FNTB: variants seen among roughly 807,000 people sequenced by gnomAD.
FNTB encodes protein farnesyltransferase subunit beta.
In FNTB, 27 loss-of-function variants were observed where a neutral mutation model predicts 59.4. That is an observed-to-expected ratio of 0.45 (90% CI 0.34 to 0.63). The LOEUF is 0.63. Among genes scored for constraint, FNTB ranks in the 20% least tolerant of loss-of-function variants. The pLI, the probability that FNTB is intolerant of heterozygous loss-of-function variation, is 0.02. For missense variants in FNTB, 449 were observed against 559.6 expected, an observed-to-expected ratio of 0.80 and a Z score of 1.99; for synonymous variants, 230 against 220.7, an observed-to-expected ratio of 1.04 and a Z score of -0.37.
chr14:65,055,216 G>A (rs1246211909), intron 11 of FNTB, among the ~76,000 whole-genome samples: 6 of 152,150 alleles, frequency 3.9e-5, no homozygotes, highest in Non-Finnish European at 1.5e-5. Flanking sequence ...CTGCTTTCCT[G>A]AAAAAACAAT....
chr14:65,036,186 A>G (rs2062188030), intron 7 of FNTB, among the ~76,000 whole-genome samples: 1 of 152,136 alleles, frequency 6.6e-6, no homozygotes, highest in South Asian at 2.1e-4. Flanking sequence ...GCTCTGTGTC[A>G]TAGTTTCCTT....
chr14:65,043,425 A>C (rs900847600), intron 8 of FNTB, among the ~76,000 whole-genome samples: 9 of 152,202 alleles, frequency 5.9e-5, no homozygotes, highest in African/African-American at 1.9e-4. Context: ...AATTAGAATG[A>C]ATGGCTTCTG....
chr14:65,004,386 T>C, intron 2 of FNTB, 73 bp downstream of exon 2: 4 of 1,497,178 alleles, frequency 2.7e-6, no homozygotes, highest in Non-Finnish European at 3.7e-6. Context: ...CTTTCCTCCT[T>C]GAGCGAATCT....
chr14:65,049,728 T>A (rs2062564855), intron 9 of FNTB, among the ~76,000 whole-genome samples: 1 of 152,186 alleles, frequency 6.6e-6, no homozygotes, highest in Admixed American at 6.5e-5. Context: ...ATGAAATATA[T>A]GTACATTTTG....
In FNTB at chr14:64,993,442, C is replaced by T. The variant is rs148190994; in HGVS notation, c.144+6345C>T. On this transcript the variant is annotated intron_variant, in intron 1 of 11. Coordinates refer to ENST00000246166, the MANE Select transcript of FNTB (RefSeq NM_002028.4). ...CTGAGGTTGTTTTAGGGTATTGTGTCATCCCCAGCTGGTACTTTGTATTCA... is the reference window on the plus strand; with the variant it reads ...CTGAGGTTGTTTTAGGGTATTGTGTTATCCCCAGCTGGTACTTTGTATTCA... Among the ~76,000 whole-genome samples the T allele has an allele frequency of 2.4e-3, 359 of 152,304 alleles. 2 individuals carry two copies. The highest frequency in any genetic ancestry group is 8.1e-3 in the African/African-American group (336 of 41,554).
In FNTB at chr14:65,009,247, T is replaced by G. The variant is rs1684066188; in HGVS notation, c.210-3070T>G. ...ACAGAGATTTATTTTTTCACATTTC[T>G]GGAGGCCAGAAGTCTAAGACCAAGG... On this transcript the variant is annotated intron_variant, in intron 2 of 11. Coordinates refer to ENST00000246166, the MANE Select transcript of FNTB (RefSeq NM_002028.4). The surrounding 1 kb of genome is among the most constrained non-coding windows in gnomAD (Gnocchi z 4.2). Among the ~76,000 whole-genome samples, 1 of 152,214 alleles carries G rather than the reference T, an allele frequency of 6.6e-6. No homozygotes were observed. Among genetic ancestry groups the G allele is most frequent in the East Asian group, 1.9e-4 (1 of 5,194 alleles).
chr14:65,053,127 A>G, intron 9 of FNTB, 111 bp from the exon 10 acceptor site: 1 of 755,836 alleles, frequency 1.3e-6, no homozygotes, highest in Non-Finnish European at 1.8e-6. Flanking sequence ...TGAATGGAAG[A>G]GGAAGGGGAG....
In FNTB at chr14:65,011,636, G is replaced by C. The variant is rs1197593781; in HGVS notation, c.210-681G>C. ...CCTAGTCACACAGGCTCTTCTGCCA[G>C]ACCAAGAAAGAAGTGCAGCCTCTGT... On this transcript the variant is annotated intron_variant, in intron 2 of 11. Coordinates refer to ENST00000246166, the MANE Select transcript of FNTB (RefSeq NM_002028.4). This position sits in a 1 kb window ranked among gnomAD's most constrained non-coding sequence, Gnocchi z 4.0. 6.6e-6 allele frequency among the ~76,000 whole-genome samples: 1 copy of C among 152,176 alleles called. No homozygotes were observed. The highest frequency in any genetic ancestry group is 2.4e-5 in the African/African-American group (1 of 41,438).
At chr14:65,043,828 CAAAAAAAAAAAAAAAAAAA>C (rs749243788) in intron 8 of FNTB, among the ~76,000 whole-genome samples, 1 of 64,234 alleles carries the variant, frequency 1.6e-5, no homozygotes, top group South Asian at 8.0e-4. Flanking sequence ...GACTCCGTCT[CAAAAAAAAAAAAAAAAAAA>C]AAAAAAAAAA....
Position 65,040,796 on chromosome 14 carries a change from G to C in FNTB, c.699G>C (p.Gln233His). ...TTTCTCAATCTCTTCTTAGGTGTCA[G>C]AACTGGGAAGGTGGCATTGGCGGGG... ...EGTAEWIARCQNWEGGIGGVP... is the reference protein window; with the variant it reads ...EGTAEWIARCHNWEGGIGGVP... The change falls in exon 8 of 12, where the codon CAG becomes CAC. Residue 233 changes from glutamine to histidine, a missense_variant. By Grantham distance (24) the Gln-to-His change is conservative. Coordinates refer to ENST00000246166, the MANE Select transcript of FNTB (RefSeq NM_002028.4). The C allele has an allele frequency of 6.2e-7, 1 of 1,613,012 alleles. No individual in the cohort carries two copies. The highest frequency in any genetic ancestry group is 8.5e-7 in the Non-Finnish European group (1 of 1,179,926).
At chr14:65,006,739 G>C (rs2061600411) in intron 2 of FNTB, among the ~76,000 whole-genome samples, 1 of 152,210 alleles carries the variant, frequency 6.6e-6, no homozygotes, top group Non-Finnish European at 1.5e-5. Flanking sequence ...CATCAGGATA[G>C]AGCCCTTGGT....
rs1746091816 is a variant in FNTB, at chr14:64,994,275, T to C, written c.144+7178T>C. Among the ~76,000 whole-genome samples the C allele has an allele frequency of 1.3e-5, 2 of 152,200 alleles. No individual in the cohort carries two copies. Among genetic ancestry groups the C allele is most frequent in the African/African-American group, 2.4e-5 (1 of 41,438 alleles). On this transcript the variant is annotated intron_variant, in intron 1 of 11. Transcript: ENST00000246166. The surrounding 1 kb of genome is among the most constrained non-coding windows in gnomAD (Gnocchi z 4.2). ...TATTTATTGCCATGGCACCTAAGTG[T>C]TGGGGACCCTAGTACAGTTACTTGA... is the stretch of plus-strand genomic sequence containing the variant.
chr14:65,050,452 G>T (rs946562590), intron 9 of FNTB, among the ~76,000 whole-genome samples: 1 of 152,104 alleles, frequency 6.6e-6, no homozygotes, highest in Non-Finnish European at 1.5e-5. Context: ...TTAGCCAGGC[G>T]TGGGGGCTTG....
At chr14:65,034,564 G>C (rs535083430) in intron 7 of FNTB, among the ~76,000 whole-genome samples, 217 of 152,290 alleles carry the variant, frequency 1.4e-3, no homozygotes, top group African/African-American at 5.0e-3. Flanking sequence ...ATAGTAACCA[G>C]AGTTCATTGA....
In FNTB at chr14:65,062,615, A is replaced by G. The variant is rs2062885787; in HGVS notation, c.*1303A>G. On this transcript the variant is annotated 3_prime_UTR_variant, in exon 12 of 12. Coordinates refer to ENST00000246166, the MANE Select transcript of FNTB (RefSeq NM_002028.4). This position sits in a 1 kb window ranked among gnomAD's most constrained non-coding sequence, Gnocchi z 4.3. ...TTTGCTTTGCCATATTGGGCTATGT[A>G]TTACCTCCTTGAAATAATAAAAGAA... 1 of 152,624 alleles carries G rather than the reference A, an allele frequency of 6.6e-6. No individual in the cohort carries two copies. Among genetic ancestry groups the G allele is most frequent in the East Asian group, 1.9e-4 (1 of 5,192 alleles). The allele number at this position is 152,624 out of a possible 1,614,324, so 9.5% of individuals were successfully genotyped here.
At position 65,032,655 on chromosome 14, in the gene FNTB, C is replaced by T. The variant is rs1392245633; in HGVS notation, c.651C>T (p.Ile217=). The T allele has an allele frequency of 1.2e-6, 2 of 1,613,974 alleles. No individual in the cohort carries two copies. The highest frequency in any genetic ancestry group is 2.2e-5 in the South Asian group (2 of 91,042). ...CCGTAGCCTCGCTGACCAACATCATCACTCCAGACCTCTTTGAGGGCACTG... is the reference window on the plus strand; with the variant it reads ...CCGTAGCCTCGCTGACCAACATCATTACTCCAGACCTCTTTGAGGGCACTG... ...AASVASLTNI[I]TPDLFEGTAE... The change falls in exon 7 of 12, where the codon ATC becomes ATT. Residue 217 remains isoleucine (I), a synonymous_variant. Transcript: ENST00000246166. The surrounding 1 kb of genome is among the most constrained non-coding windows in gnomAD (Gnocchi z 5.0).
rs767735610 is a variant in FNTB at position 64,987,004 on chromosome 14, C to G, written c.51C>G (p.Pro17=). Reference sequence around the variant, plus strand: ...ACTATTGCCCTCCATCTTCCTCCCCCGTCTGGTCAGAGCCGCTGTACAGTC... The same window carrying G: ...ACTATTGCCCTCCATCTTCCTCCCCGGTCTGGTCAGAGCCGCTGTACAGTC... ...FTYYCPPSSS[P]VWSEPLYSLR... is the part of the protein sequence containing the mutation. Residue 17 remains proline, a synonymous_variant, in exon 1 of 12, where the codon CCC becomes CCG. Coordinates refer to ENST00000246166, the MANE Select transcript of FNTB (RefSeq NM_002028.4). The G allele has an allele frequency of 1.9e-6, 3 of 1,614,234 alleles. No individual in the cohort carries two copies. Among genetic ancestry groups the G allele is most frequent in the East Asian group, 2.2e-5 (1 of 44,884 alleles).
Position 65,062,253 on chromosome 14 carries a change from T to C in FNTB, c.*941T>C, listed in dbSNP as rs1322791839. 6.6e-6 allele frequency: 1 copy of C among 152,294 alleles called. No individual in the cohort carries two copies. The highest frequency in any genetic ancestry group is 2.4e-5 in the African/African-American group (1 of 41,476). 9.4% of individuals were successfully genotyped at this position (152,294 alleles called of 1,614,324 possible). A position where few individuals can be genotyped will look rare whatever the true frequency, so the allele number is the denominator to read the frequency against. ...CCAAGAGTATTAACACTACTAAGTC[T>C]TTCACCTTAACTTATGACTCAGGAT... On this transcript the variant is annotated 3_prime_UTR_variant, in exon 12 of 12. Transcript: ENST00000246166. This position sits in a 1 kb window ranked among gnomAD's most constrained non-coding sequence, Gnocchi z 4.3.
intron 1 of FNTB, among the ~76,000 whole-genome samples, chr14:65,000,815 C>CAAAAAAAAAAAAAA (rs59420832): frequency 5.5e-5 from 2 of 36,476 alleles, no homozygotes; most frequent in African/African-American, 1.7e-4. Flanking sequence ...GACTCCGTCT[C>CAAAAAAAAAAAAAA]AAAAAAAAAA....
Sources: allele counts gnomAD v4.1 joint callset (sites outside exome capture counted in the v4.1 genomes callset), GRCh38; gene constraint gnomAD v4.1.1; non-coding constraint Gnocchi (gnomAD v3.1); transcripts MANE v1.5; gene names NCBI Gene and HGNC (gene_info 2026-07-23, HGNC 2026-07-21).